SNX31: variants seen among roughly 807,000 people sequenced by gnomAD.
SNX31 encodes sorting nexin 31, also known as sorting nexin-31.
Under a neutral mutation model 65.4 loss-of-function variants are expected in SNX31, and 58 were observed. The observed-to-expected ratio is 0.89, with a 90% CI of 0.72 to 1.10. The LOEUF is 1.10. Among genes scored for constraint, SNX31 ranks in the 50% least tolerant of loss-of-function variants. The pLI is 0.00. For synonymous variants in SNX31, 181 were observed against 190.1 expected (o/e 0.95, Z 0.39); for missense variants, 523 against 529.7 (o/e 0.99, Z 0.12).
chr8:100,592,875 A>G (rs919642673), intron 10 of SNX31, among the ~76,000 whole-genome samples: 13 of 152,236 alleles, frequency 8.5e-5, no homozygotes, highest in Non-Finnish European at 8.8e-5. Flanking sequence ...CAAGGATCAC[A>G]TATTATATGA....
At chr8:100,618,924 T>TA (rs755626116) in intron 4 of SNX31, among the ~76,000 whole-genome samples, 3 of 151,860 alleles carry the variant, frequency 2.0e-5, no homozygotes, top group Non-Finnish European at 4.4e-5. Flanking sequence ...AGGGGTTTCT[T>TA]ATGGAGGTCT....
intron 3 of SNX31, 135 bp downstream of exon 3, chr8:100,635,762 A>G: frequency 1.6e-6 from 1 of 610,378 alleles, no homozygotes; most frequent in Non-Finnish European, 2.8e-6. Flanking sequence ...TTCTAAAATT[A>G]GATTACGGTA....
At chr8:100,592,787 C>T (rs1199289770) in intron 10 of SNX31, among the ~76,000 whole-genome samples, 1 of 152,006 alleles carries the variant, frequency 6.6e-6, no homozygotes, top group African/African-American at 2.4e-5. Flanking sequence ...ATTATTTGTC[C>T]ATAAAAAATA....
At chr8:100,628,563 G>A (rs1055654759) in intron 4 of SNX31, among the ~76,000 whole-genome samples, 1 of 151,350 alleles carries the variant, frequency 6.6e-6, no homozygotes, top group Admixed American at 6.6e-5. Flanking sequence ...ACACAGGAAG[G>A]GGAACATCAC....
At chr8:100,599,171 A>C (rs1815380288) in intron 9 of SNX31, among the ~76,000 whole-genome samples, 1 of 152,240 alleles carries the variant, frequency 6.6e-6, no homozygotes, top group South Asian at 2.1e-4. Context: ...AAGCTTTTTT[A>C]AAATAGCATT....
At chr8:100,638,365 T>C (rs1207612785) in intron 2 of SNX31, among the ~76,000 whole-genome samples, 2 of 152,252 alleles carry the variant, frequency 1.3e-5, no homozygotes, top group East Asian at 3.8e-4. Flanking sequence ...GCTAGCCACA[T>C]TTCAAATGCT....
intron 12 of SNX31, among the ~76,000 whole-genome samples, chr8:100,581,325 C>CTATATTTA (rs1401988460): frequency 5.4e-5 from 7 of 129,362 alleles, no homozygotes; most frequent in African/African-American, 2.4e-4. Flanking sequence ...ATATCTATAT[C>CTATATTTA]TATCTATCTA....
Position 100,584,183 on chromosome 8 carries a change from A to C in SNX31, c.1098T>G (p.Phe366Leu), listed in dbSNP as rs1490105897. Residue 366 changes from phenylalanine (F) to leucine (L), a missense_variant, in exon 12 of 14, where the codon TTT becomes TTG. Phe to Leu is a conservative substitution (Grantham distance 22, BLOSUM62 0). Transcript: ENST00000311812. ...TCTTTTTCAAGCAGCTACTCAGCAA[A>C]AAAGCCTAAGAAATGCAGGAATAAA... ...QWFVIYTKQA[F>L]LLSSCLKKMI... 1 of 1,595,656 alleles carries C rather than the reference A, an allele frequency of 6.3e-7. No homozygotes were observed. The highest frequency in any genetic ancestry group is 1.4e-5 in the African/African-American group (1 of 73,420).
rs1817828833 is a variant in SNX31, at chr8:100,623,324, A to T, written c.322-5594T>A. On this transcript the variant is annotated intron_variant, in intron 4 of 13. Coordinates refer to ENST00000311812, the MANE Select transcript of SNX31 (RefSeq NM_152628.4). The stretch of plus-strand genomic sequence containing the variant: ...GGGGGAGGGCGCTAAACCATTCATG[A>T]GAAACCTCCCATGATCCAATCACCT... Among the ~76,000 whole-genome samples, 4 of 152,322 alleles carry T rather than the reference A, an allele frequency of 2.6e-5. No individual in the cohort carries two copies. In the South Asian group the frequency reaches 8.3e-4, roughly 32 times the overall value.
At chr8:100,631,388 C>A (rs1818403801) in intron 3 of SNX31, among the ~76,000 whole-genome samples, 1 of 151,682 alleles carries the variant, frequency 6.6e-6, no homozygotes, top group Non-Finnish European at 1.5e-5. Flanking sequence ...TACATACTTA[C>A]TAAATGCTGC....
At chr8:100,591,372 G>A (rs1336325103) in intron 10 of SNX31, among the ~76,000 whole-genome samples, 1 of 151,732 alleles carries the variant, frequency 6.6e-6, no homozygotes, top group Non-Finnish European at 1.5e-5. Flanking sequence ...GCCTGTAGTC[G>A]TAGCTACTCG....
At position 100,622,664 on chromosome 8, in the gene SNX31, G is replaced by GTAAATAAATAAA. The variant is rs150849109; in HGVS notation, c.322-4946_322-4935dup. 1.3e-5 allele frequency among the ~76,000 whole-genome samples: 2 copies of GTAAATAAATAAA among 149,546 alleles called. No individual in the cohort carries two copies. Among genetic ancestry groups the GTAAATAAATAAA allele is most frequent in the African/African-American group, 2.5e-5 (1 of 40,530 alleles). The stretch of plus-strand genomic sequence containing the variant: ...AGACTCCCTCTCAAAAAATAAATAA[G>GTAAATAAATAAA]TAAATAAATAAATAAATAAATAAAT... On this transcript the variant is annotated intron_variant, in intron 4 of 13. Coordinates refer to ENST00000311812, the MANE Select transcript of SNX31 (RefSeq NM_152628.4). The surrounding 1 kb of genome is among the most constrained non-coding windows in gnomAD (Gnocchi z 5.0).
In SNX31 at chr8:100,622,383, T is replaced by C. The variant is rs1376474789; in HGVS notation, c.322-4653A>G. Among the ~76,000 whole-genome samples the C allele has an allele frequency of 6.6e-6, 1 of 152,222 alleles. No individual in the cohort carries two copies. Among genetic ancestry groups the C allele is most frequent in the Non-Finnish European group, 1.5e-5 (1 of 68,040 alleles). On this transcript the variant is annotated intron_variant, in intron 4 of 13. Transcript: ENST00000311812. This position sits in a 1 kb window ranked among gnomAD's most constrained non-coding sequence, Gnocchi z 5.0. ...TGGGGCATTTTCCAGGTGTGGTGGC[T>C]CACGCCTGGAATCCCAGCACTTTGG...
At chr8:100,591,861 A>C (rs1814619042) in intron 10 of SNX31, among the ~76,000 whole-genome samples, 1 of 152,172 alleles carries the variant, frequency 6.6e-6, no homozygotes, top group South Asian at 2.1e-4. Flanking sequence ...AACCAATCCT[A>C]AGTAATTTAA....
rs77970456 is a variant in SNX31, at chr8:100,626,657, T to A, written c.321+3670A>T. ...CAACAGCAGCCTGTTTCAAAGTTGATTGATGACTTAAAGATAACTGGCAAG... is the reference window on the plus strand; with the variant it reads ...CAACAGCAGCCTGTTTCAAAGTTGAATGATGACTTAAAGATAACTGGCAAG... On this transcript the variant is annotated intron_variant, in intron 4 of 13. Transcript: ENST00000311812. This position sits in a 1 kb window ranked among gnomAD's most constrained non-coding sequence, Gnocchi z 4.4. Among the ~76,000 whole-genome samples, 10,103 of 152,184 alleles carry A rather than the reference T, an allele frequency of 0.066. 469 individuals are homozygous for A. The highest frequency in any genetic ancestry group is 0.096 in the Non-Finnish European group (6,505 of 67,996).
At chr8:100,652,663 G>A (rs924058836), upstream of SNX31, among the ~76,000 whole-genome samples, 10 of 152,046 alleles carry the variant, frequency 6.6e-5, no homozygotes, top group South Asian at 8.3e-4. Flanking sequence ...AATCTTTTTG[G>A]CTCTTTGATA....
intron 9 of SNX31, among the ~76,000 whole-genome samples, chr8:100,599,331 A>C (rs1378651643): frequency 3.9e-5 from 6 of 152,226 alleles, no homozygotes; most frequent in African/African-American, 1.4e-4. Context: ...GATATGTGTG[A>C]AGACTTGGTT....
Position 100,612,903 on chromosome 8 carries a change from G to T in SNX31, c.523+92C>A. ...AGTGGTAGGGATCACAGCCCAGTGG[G>T]TGGCCAGCCCCTCAGCTGTGACTCC... On this transcript the variant is annotated intron_variant, in intron 6 of 13. Coordinates refer to ENST00000311812, the MANE Select transcript of SNX31 (RefSeq NM_152628.4). This position sits in a 1 kb window ranked among gnomAD's most constrained non-coding sequence, Gnocchi z 4.3. The T allele has an allele frequency of 1.9e-6, 2 of 1,060,054 alleles. No individual in the cohort carries two copies. The highest frequency in any genetic ancestry group is 1.5e-6 in the Non-Finnish European group (1 of 678,812). The allele number at this position is 1,060,054 out of a possible 1,614,324, so 65.7% of individuals were successfully genotyped here. A position where few individuals can be genotyped will look rare whatever the true frequency, so the allele number is the denominator to read the frequency against.
At chr8:100,618,225 G>T in intron 4 of SNX31, 1 of 1,433,802 alleles carries the variant, frequency 7.0e-7, no homozygotes, top group Non-Finnish European at 9.3e-7. Context: ...AGGCAAAGGA[G>T]TAACATGAAG....
Sources: gnomAD v4.1 joint callset for allele counts (sites outside exome capture counted in the v4.1 genomes callset) on GRCh38, gnomAD v4.1.1 for gene constraint, Gnocchi (gnomAD v3.1) non-coding constraint, MANE v1.5 for transcripts, NCBI Gene and HGNC (gene_info 2026-07-23, HGNC 2026-07-21) for gene names.